Variants in ABHD17B observed in about 807,000 individuals in gnomAD.
The protein encoded by ABHD17B is abhydrolase domain containing 17B, depalmitoylase, also known as alpha/beta hydrolase domain-containing protein 17B.
ABHD17B carries 9 observed loss-of-function variants against 26.2 expected under a neutral mutation model. That is an observed-to-expected ratio of 0.34 (90% confidence interval 0.21 to 0.60). The LOEUF (loss-of-function observed/expected upper bound fraction) is 0.60. ABHD17B is among the 20% of genes least tolerant of loss of function. ABHD17B has a pLI of 0.80. For synonymous variants in ABHD17B, 127 were observed against 122.3 expected, an observed-to-expected ratio of 1.04 and a Z score of -0.25; for missense variants, 224 against 352.1, an observed-to-expected ratio of 0.64 and a Z score of 2.91.
At chr9:71,874,298 A>G (rs1397935149) in intron 2 of ABHD17B, among the ~76,000 whole-genome samples, 3 of 151,968 alleles carry the variant, frequency 2.0e-5, no homozygotes, top group Non-Finnish European at 4.4e-5. Context: ...GATTCCCCTG[A>G]CTTTGTCTCC....
intron 1 of ABHD17B, among the ~76,000 whole-genome samples, chr9:71,880,134 C>T (rs1022801662): frequency 1.3e-5 from 2 of 152,068 alleles, no homozygotes; most frequent in African/African-American, 4.8e-5. Context: ...ACAAAATTGG[C>T]ACAAAGGCTA....
chr9:71,874,837 T>C lies in ABHD17B; in HGVS notation c.244A>G (p.Met82Val), dbSNP rs780546610. 1 of 1,614,192 alleles carries C rather than the reference T, an allele frequency of 6.2e-7. No individual in the cohort carries two copies. The highest frequency in any genetic ancestry group is 1.1e-5 in the South Asian group (1 of 91,082). ...GCATTGGGTGAACAACGTACAAACA[T>C]ACAAGCAATTCTGTTGCCTTTACTG... Reference protein sequence around the residue: ...RTSKGNRIACMFVRCSPNAKY... With the variant: ...RTSKGNRIACVFVRCSPNAKY... Residue 82 changes from methionine to valine, a missense_variant, in exon 2 of 4, where the codon ATG (methionine) becomes GTG (valine). Physicochemically the swap from Met to Val is conservative, Grantham distance 21 (BLOSUM62 1). Coordinates refer to ENST00000333421, the MANE Select transcript of ABHD17B (RefSeq NM_001025780.3).
At chr9:71,883,832 G>C (rs1826523741) in intron 1 of ABHD17B, among the ~76,000 whole-genome samples, 2 of 152,110 alleles carry the variant, frequency 1.3e-5, no homozygotes, top group African/African-American at 4.8e-5. Context: ...AGCTACTCGG[G>C]AGGCTGAGGC....
intron 1 of ABHD17B, among the ~76,000 whole-genome samples, chr9:71,891,144 C>A (rs773069564): frequency 6.6e-6 from 1 of 152,174 alleles, no homozygotes; most frequent in Non-Finnish European, 1.5e-5. Context: ...TCTTAAAATT[C>A]TCCTCGAAAT....
At chr9:71,889,303 C>T (rs1359879321) in intron 1 of ABHD17B, among the ~76,000 whole-genome samples, 6 of 133,694 alleles carry the variant, frequency 4.5e-5, no homozygotes, top group African/African-American at 1.7e-4. Context: ...GACGACAGTG[C>T]GAGACTCCGT....
At chr9:71,876,618 A>G (rs1826282995) in intron 1 of ABHD17B, among the ~76,000 whole-genome samples, 1 of 152,158 alleles carries the variant, frequency 6.6e-6, no homozygotes, top group Non-Finnish European at 1.5e-5. Flanking sequence ...AGAAAAAAAA[A>G]AAATCTAAAT....
chr9:71,886,287 A>T lies in ABHD17B; in HGVS notation c.-3-11204T>A, dbSNP rs577771665. Among the ~76,000 whole-genome samples, 12 of 152,144 alleles carry T rather than the reference A, an allele frequency of 7.9e-5. No homozygotes were observed. In the East Asian group the frequency reaches 2.3e-3, roughly 29 times the overall value. ...TGAAAGAAGATGAAGCATCCAAAAC[A>T]CAGTATCAAAGTTTCCTGGGCCAGG... is the stretch of plus-strand genomic sequence containing the variant. On this transcript the variant is annotated intron_variant, in intron 1 of 3. Transcript: ENST00000333421.
intron 1 of ABHD17B, among the ~76,000 whole-genome samples, chr9:71,893,490 A>C (rs1222650621): frequency 6.6e-6 from 1 of 152,236 alleles, no homozygotes; most frequent in Non-Finnish European, 1.5e-5. Context: ...CAAAGGATAC[A>C]GTTGAAGAGA....
At chr9:71,883,058 G>T (rs1198679755) in intron 1 of ABHD17B, among the ~76,000 whole-genome samples, 2 of 152,020 alleles carry the variant, frequency 1.3e-5, no homozygotes, top group African/African-American at 4.8e-5. Flanking sequence ...CAGGAGAATC[G>T]TTTGAACCTG....
At chr9:71,910,305 G>A (rs1332325382) in intron 1 of ABHD17B, among the ~76,000 whole-genome samples, 1 of 148,746 alleles carries the variant, frequency 6.7e-6, no homozygotes, top group East Asian at 1.9e-4. Flanking sequence ...TCTCTTCACC[G>A]AGGAGGACCA....
chr9:71,902,250 A>G (rs1283085933), intron 1 of ABHD17B, among the ~76,000 whole-genome samples: 1 of 152,146 alleles, frequency 6.6e-6, no homozygotes, highest in Non-Finnish European at 1.5e-5. Flanking sequence ...CTTTAGTGAG[A>G]CTTATTTTGG....
intron 1 of ABHD17B, among the ~76,000 whole-genome samples, chr9:71,905,619 A>G (rs552876402): frequency 3.5e-3 from 536 of 152,326 alleles, no homozygotes; most frequent in African/African-American, 0.012. Flanking sequence ...ACCTACTACC[A>G]GATTTATAAA....
intron 1 of ABHD17B, among the ~76,000 whole-genome samples, chr9:71,894,839 G>C (rs1564071322): frequency 6.6e-6 from 1 of 151,786 alleles, no homozygotes; most frequent in Non-Finnish European, 1.5e-5. Context: ...AAAAAAAAAA[G>C]TTTCTTTTGA....
rs139757869 is a variant in ABHD17B at position 71,870,247 on chromosome 9, A to C, written c.483T>G (p.Pro161=). ...TTTGGCCATATATAATCACATTTTCAGGGCGAATGCCATATCTACAAAGTT... is the reference window on the plus strand; with the variant it reads ...TTTGGCCATATATAATCACATTTTCCGGGCGAATGCCATATCTACAAAGTT... The part of the protein sequence containing the change: ...LALRTRYGIR[P]ENVIIYGQSI... Residue 161 remains proline (P), a synonymous_variant, in exon 3 of 4, where the codon CCT becomes CCG. Transcript: ENST00000333421. 99 of 1,593,702 alleles carry C rather than the reference A, an allele frequency of 6.2e-5. No homozygotes were observed. The African/African-American group carries it at 1.3e-3, about 20-fold the overall frequency.
At chr9:71,908,123 G>A (rs1362843347) in intron 1 of ABHD17B, among the ~76,000 whole-genome samples, 1 of 152,130 alleles carries the variant, frequency 6.6e-6, no homozygotes, top group African/African-American at 2.4e-5. Context: ...CAGTGAAGTG[G>A]CTCACACCTG....
chr9:71,885,218 G>A (rs1348002689), intron 1 of ABHD17B, among the ~76,000 whole-genome samples: 1 of 152,178 alleles, frequency 6.6e-6, no homozygotes, highest in South Asian at 2.1e-4. Flanking sequence ...GCCAAGGCAG[G>A]AGGATCACTT....
rs1156397799 is a variant in ABHD17B at position 71,865,596 on chromosome 9, T to C, written c.*1191A>G. The C allele has an allele frequency of 4.1e-6, 4 of 984,054 alleles. No individual in the cohort carries two copies. The South Asian group carries it at 1.4e-4, about 35-fold the overall frequency. 61.0% of individuals were successfully genotyped at this position (984,054 alleles called of 1,614,324 possible). A position where few individuals can be genotyped will look rare whatever the true frequency, so the allele number is the denominator to read the frequency against. ...AATAGCTAAAGTGGGCCAGGCGCAG[T>C]GGCTCATGCCTGTAATTCCGACACT... On this transcript the variant is annotated 3_prime_UTR_variant, in exon 4 of 4. Transcript: ENST00000333421.
chr9:71,905,439 T>A (rs1458673860), intron 1 of ABHD17B, among the ~76,000 whole-genome samples: 1 of 152,170 alleles, frequency 6.6e-6, no homozygotes, highest in Non-Finnish European at 1.5e-5. Flanking sequence ...CTCCTCAGAA[T>A]GGCAAAAATT....
intron 2 of ABHD17B, among the ~76,000 whole-genome samples, chr9:71,873,886 T>C (rs1826184482): frequency 6.6e-6 from 1 of 152,302 alleles, no homozygotes; most frequent in African/African-American, 2.4e-5. Context: ...GAACACAGAA[T>C]ATAAAGTAAA....
Sources: gnomAD v4.1 joint callset for allele counts (sites outside exome capture counted in the v4.1 genomes callset) on GRCh38, gnomAD v4.1.1 for gene constraint, MANE v1.5 for transcripts, NCBI Gene and HGNC (gene_info 2026-07-23, HGNC 2026-07-21) for gene names.